TRIM43: variants seen among roughly 807,000 people sequenced by gnomAD.
The protein encoded by TRIM43 is tripartite motif-containing protein 43.
A neutral mutation model predicts 27.7 loss-of-function variants in TRIM43; 12 were observed. That is an observed-to-expected ratio of 0.43 (90% confidence interval 0.28 to 0.70). The LOEUF (loss-of-function observed/expected upper bound fraction) is 0.70, where lower values mean the gene tolerates loss of function less well. Ranked by LOEUF, TRIM43 falls within the 30% of genes least tolerant of loss-of-function variation. TRIM43 has a pLI of 0.17. For missense variants in TRIM43, 186 were observed against 356.5 expected (o/e 0.52, Z 3.85); for synonymous variants, 64 against 121.9 (o/e 0.52, Z 3.13).
chr2:95,592,424 G>C (rs1040885383), intron 1 of TRIM43, among the ~76,000 whole-genome samples: 4 of 151,710 alleles, frequency 2.6e-5, no homozygotes, highest in Non-Finnish European at 5.9e-5. Context: ...AGGCTGGAGT[G>C]CAGCGGCGCT....
At chr2:95,595,267 G>A (rs1191277316) in intron 3 of TRIM43, 122 bp downstream of exon 3, 11 of 701,462 alleles carry the variant, frequency 1.6e-5, no homozygotes, top group Non-Finnish European at 2.5e-5. Context: ...TCATAGGCTG[G>A]AAAACAACCA....
intron 3 of TRIM43, 59 bp downstream of exon 3, chr2:95,595,204 T>A (rs769125775): frequency 3.3e-6 from 4 of 1,203,634 alleles, no homozygotes; most frequent in African/African-American, 1.6e-5. Context: ...TGACAACATT[T>A]ATATTAGCAA....
chr2:95,594,017 T>G lies in TRIM43; in HGVS notation c.-4-3T>G. ...TTAAATTCCTGTGGTTTTCTTTCCT[T>G]AGGAAAATGGACTCAGACTTCTCAC... is the stretch of plus-strand genomic sequence containing the variant. On this transcript the variant is annotated splice_polypyrimidine_tract_variant and splice_region_variant and intron_variant, in intron 1 of 6. Coordinates refer to ENST00000272395, the MANE Select transcript of TRIM43 (RefSeq NM_138800.3). 1 of 1,611,228 alleles carries G rather than the reference T, an allele frequency of 6.2e-7. No individual in the cohort carries two copies. The highest frequency in any genetic ancestry group is 8.5e-7 in the Non-Finnish European group (1 of 1,179,138).
chr2:95,594,135 T>C lies in TRIM43; in HGVS notation c.112T>C (p.Cys38Arg), dbSNP rs1354055562. ...CTGTGGGCACAGCTTCTGTAGGCCC[T>C]GTCTCTGCCTTTCGTGGGAGGAAGC... ...ICCGHSFCRPCLCLSWEEAQS... is the reference protein window; with the variant it reads ...ICCGHSFCRPRLCLSWEEAQS... Residue 38 changes from cysteine (C) to arginine (R), a missense_variant, in exon 2 of 7, where the codon TGT becomes CGT. By Grantham distance (180) the Cys-to-Arg change is radical. This residue lies in a region of TRIM43 where 41 missense variants were observed against 46.1 expected (regional missense o/e 0.89). Transcript: ENST00000272395. 1 of 1,612,628 alleles carries C rather than the reference T, an allele frequency of 6.2e-7. No homozygotes were observed. The highest frequency in any genetic ancestry group is 8.5e-7 in the Non-Finnish European group (1 of 1,179,580).
chr2:95,594,060 C>T lies in TRIM43; in HGVS notation c.37C>T (p.Leu13Phe). The T allele has an allele frequency of 6.2e-7, 1 of 1,613,120 alleles. No homozygotes were observed. The part of the protein sequence containing the change: ...SDFSHAFQKE[L>F]TCVICLNYLV... ...CTTCTCACATGCCTTCCAGAAGGAA[C>T]TCACCTGCGTCATCTGTTTGAACTA... The change falls in exon 2 of 7, where the codon CTC becomes TTC. Residue 13 changes from leucine (L) to phenylalanine (F), a missense_variant. By Grantham distance (22) the Leu-to-Phe change is conservative. Coordinates refer to ENST00000272395, the MANE Select transcript of TRIM43 (RefSeq NM_138800.3).
In TRIM43 at chr2:95,599,514, T is replaced by TA; in HGVS notation, c.1283dup (p.Tyr428Ter). 8.4e-7 allele frequency: 1 copy of TA among 1,193,304 alleles called. No homozygotes were observed. Among genetic ancestry groups the TA allele is most frequent in the South Asian group, 1.9e-5 (1 of 53,910 alleles). The allele number at this position is 1,193,304 out of a possible 1,614,324, so 73.9% of individuals were successfully genotyped here. A position where few individuals can be genotyped will look rare whatever the true frequency, so the allele number is the denominator to read the frequency against. ...CACCAAGAGTTCCCTCATATGGAGT[T>TA]ACCCAGCTGGCTCCTTAACTTTTCC... ...NVTKSSLIWS[Y>*]PAGSLTFPVR... The change falls in exon 7 of 7, where the codon TAC becomes TAAC. Residue 428 changes from tyrosine (Y) to a stop codon, truncating the protein, a stop_gained and frameshift_variant. Coordinates refer to ENST00000272395, the MANE Select transcript of TRIM43 (RefSeq NM_138800.3). LOFTEE classifies it low-confidence loss of function (END_TRUNC).
intron 2 of TRIM43, 106 bp from the exon 3 acceptor site, chr2:95,594,944 T>C (rs1293634549): frequency 8.1e-7 from 1 of 1,229,954 alleles, no homozygotes; most frequent in African/African-American, 1.6e-5. Flanking sequence ...TTTTTTCTCC[T>C]CTCACTAATG....
Position 95,594,359 on chromosome 2 carries a change from C to T in TRIM43, c.336C>T (p.Cys112=), listed in dbSNP as rs1685315866. The T allele has an allele frequency of 1.2e-6, 2 of 1,610,632 alleles. No individual in the cohort carries two copies. Among genetic ancestry groups the T allele is most frequent in the South Asian group, 2.2e-5 (2 of 90,906 alleles). The change falls in exon 2 of 7, where the codon TGC becomes TGT. Residue 112 remains cysteine, a synonymous_variant. Transcript: ENST00000272395. ...MFCDMDKSLL[C]LLCSNSQEHG... is the part of the protein sequence containing the mutation. ...GTGACATGGACAAGAGTCTCCTCTG[C>T]TTGCTGTGCTCCAACTCTCAGGAGC... is the stretch of plus-strand genomic sequence containing the variant.
chr2:95,592,176 GCTACTATTA>G lies in TRIM43; in HGVS notation c.-5+28_-5+36del. 2 of 151,822 alleles carry G rather than the reference GCTACTATTA, an allele frequency of 1.3e-5. 1 individual carries two copies. The highest frequency in any genetic ancestry group is 4.1e-4 in the South Asian group (2 of 4,832). The allele number at this position is 151,822 out of a possible 1,614,324, so 9.4% of individuals were successfully genotyped here. On this transcript the variant is annotated intron_variant, in intron 1 of 6. Transcript: ENST00000272395. ...TAAGTACACAATTTCCAGAGTAGGAGCTACTATTAGGAGCTACAAACCAAAACAAAATTT... is the reference window on the plus strand; with the variant it reads ...TAAGTACACAATTTCCAGAGTAGGAGGGAGCTACAAACCAAAACAAAATTT...
chr2:95,594,982 A>G, intron 2 of TRIM43, 68 bp from the exon 3 acceptor site: 4 of 1,542,540 alleles, frequency 2.6e-6, no homozygotes, highest in Admixed American at 1.8e-5. Flanking sequence ...TTGCCTGTGT[A>G]TACCACTCAG....
At position 95,592,981 on chromosome 2, in the gene TRIM43, C is replaced by T. The variant is rs541754280; in HGVS notation, c.-5+832C>T. On this transcript the variant is annotated intron_variant, in intron 1 of 6. Transcript: ENST00000272395. The stretch of plus-strand genomic sequence containing the variant: ...GCACTATCTCGGCTCACTGCAAGCT[C>T]CGCCTGCCGGGTTCACGCCATTCTC... Among the ~76,000 whole-genome samples the T allele has an allele frequency of 4.0e-5, 6 of 151,660 alleles. No individual in the cohort carries two copies. In the East Asian group the frequency reaches 1.2e-3, roughly 29 times the overall value.
intron 3 of TRIM43, 129 bp downstream of exon 3, chr2:95,595,274 AC>A: frequency 1.5e-6 from 1 of 647,088 alleles, no homozygotes; most frequent in Non-Finnish European, 2.5e-6. Context: ...CTGGAAAACA[AC>A]CAGACTGTTC....
At chr2:95,592,587 G>A (rs1685272971) in intron 1 of TRIM43, among the ~76,000 whole-genome samples, 1 of 151,546 alleles carries the variant, frequency 6.6e-6, no homozygotes, top group African/African-American at 2.4e-5. Flanking sequence ...TGGCCAGGAT[G>A]GTCTCCATCT....
intron 3 of TRIM43, 119 bp from the exon 4 acceptor site, chr2:95,596,083 T>G (rs962234710): frequency 1.2e-5 from 13 of 1,043,884 alleles, no homozygotes; most frequent in Admixed American, 7.6e-5. Flanking sequence ...CTTGCTTAAC[T>G]CATCATCCTG....
In TRIM43 at chr2:95,596,307, T is replaced by C; in HGVS notation, c.613T>C (p.Tyr205His). The change falls in exon 4 of 7, where the codon TAC becomes CAC. Residue 205 changes from tyrosine to histidine, a missense_variant. This residue lies in a region of TRIM43 where 91 missense variants were observed against 119.3 expected (regional missense o/e 0.76). Transcript: ENST00000272395. ...KQHLERLNKE[Y>H]QEIFQQLQRS... is the part of the protein sequence containing the mutation. ...ACATTTAGAGAGACTGAACAAGGAATACCAAGAGATTTTTCAGCAACTCCA... is the reference window on the plus strand; with the variant it reads ...ACATTTAGAGAGACTGAACAAGGAACACCAAGAGATTTTTCAGCAACTCCA... 1.2e-6 allele frequency: 2 copies of C among 1,608,690 alleles called. No individual in the cohort carries two copies. The highest frequency in any genetic ancestry group is 1.7e-6 in the Non-Finnish European group (2 of 1,177,322).
intron 3 of TRIM43, among the ~76,000 whole-genome samples, chr2:95,595,593 C>A (rs1685342820): frequency 1.3e-5 from 2 of 150,222 alleles, no homozygotes; most frequent in African/African-American, 4.9e-5. Flanking sequence ...GAAAATGCAA[C>A]ATGAGGAAAA....
rs555638309 is a variant in TRIM43, at chr2:95,594,219, A to G, written c.196A>G (p.Thr66Ala). Residue 66 changes from threonine to alanine, a missense_variant, in exon 2 of 7, where the codon ACC (threonine) becomes GCC (alanine). Coordinates refer to ENST00000272395, the MANE Select transcript of TRIM43 (RefSeq NM_138800.3). ...ACCATCACCGAAAATGGACTTCAAA[A>G]CCAATATTCTTCTGAAGAATTTAGT... ...REPSPKMDFK[T>A]NILLKNLVTI... The G allele has an allele frequency of 6.2e-7, 1 of 1,609,232 alleles. No individual in the cohort carries two copies. Among genetic ancestry groups the G allele is most frequent in the Admixed American group, 1.7e-5 (1 of 59,628 alleles).
intron 3 of TRIM43, among the ~76,000 whole-genome samples, chr2:95,595,346 A>T (rs987366058): frequency 6.6e-6 from 1 of 151,678 alleles, no homozygotes; most frequent in African/African-American, 2.4e-5. Flanking sequence ...AATAAATATA[A>T]ATTCTGAAGG....
At position 95,592,094 on chromosome 2, in the gene TRIM43, C is replaced by T. The variant is rs1222892245; in HGVS notation, c.-60C>T. On this transcript the variant is annotated 5_prime_UTR_variant, in exon 1 of 7. Coordinates refer to ENST00000272395, the MANE Select transcript of TRIM43 (RefSeq NM_138800.3). ...GCACTGTGAGACTCTCATCCCTGAG[C>T]TGAATTCATCTGATTCGACGGCAAG... is the stretch of plus-strand genomic sequence containing the variant. The T allele has an allele frequency of 6.6e-6, 1 of 151,710 alleles. No individual in the cohort carries two copies. The highest frequency in any genetic ancestry group is 1.5e-5 in the Non-Finnish European group (1 of 67,950). 9.4% of individuals were successfully genotyped at this position (151,710 alleles called of 1,614,324 possible). A position where few individuals can be genotyped will look rare whatever the true frequency, so the allele number is the denominator to read the frequency against.
Sources: gnomAD v4.1 joint callset for allele counts (sites outside exome capture counted in the v4.1 genomes callset) on GRCh38, gnomAD v4.1.1 for gene constraint, gnomAD v4.1.1 regional missense constraint, MANE v1.5 for transcripts, NCBI Gene and HGNC (gene_info 2026-07-23, HGNC 2026-07-21) for gene names.